Variants in NOC3L observed in about 807,000 individuals in gnomAD.
NOC3L encodes the protein NOC3 like DNA replication regulator, also known as nucleolar complex protein 3 homolog.
A neutral mutation model predicts 102.5 loss-of-function variants in NOC3L; 85 were observed. The observed-to-expected ratio is 0.83, with a 90% confidence interval of 0.70 to 0.99. NOC3L has a LOEUF of 0.99. Among genes scored for constraint, NOC3L ranks in the 50% least tolerant of loss-of-function variants. The probability of loss-of-function intolerance (pLI) is 0.00; values close to 1 mark genes in which losing one functional copy is unlikely to be tolerated. For missense variants in NOC3L, 878 were observed against 914.9 expected, an observed-to-expected ratio of 0.96 and a Z score of 0.52; for synonymous variants, 303 against 309.4, an observed-to-expected ratio of 0.98 and a Z score of 0.22.
chr10:94,358,090 A>G lies in NOC3L; in HGVS notation c.343T>C (p.Ser115Pro). 6.3e-7 allele frequency: 1 copy of G among 1,586,486 alleles called. No individual in the cohort carries two copies. The highest frequency in any genetic ancestry group is 8.7e-7 in the Non-Finnish European group (1 of 1,155,618). ...QRVSFLTRDLSSSEPVHAKKR... is the reference protein window; with the variant it reads ...QRVSFLTRDLPSSEPVHAKKR... Reference sequence around the variant, plus strand: ...ACCCAAATGAAGTATTACCTAGAAGAAAGATCTCTTGTTAGAAAAGATACT... The same window carrying G: ...ACCCAAATGAAGTATTACCTAGAAGGAAGATCTCTTGTTAGAAAAGATACT... Residue 115 changes from serine to proline, a missense_variant, in exon 3 of 21, where the codon TCT becomes CCT. By Grantham distance (74) the Ser-to-Pro change is moderately conservative. Transcript: ENST00000371361.
At chr10:94,344,551 AC>A in intron 12 of NOC3L, 36 bp from the exon 13 acceptor site, 4 of 1,436,992 alleles carry the variant, frequency 2.8e-6, no homozygotes, top group Non-Finnish European at 2.9e-6. Context: ...CTTTAGGATA[AC>A]CTGGTATGCT....
downstream of NOC3L, chr10:94,331,392 C>G (rs1288310210): frequency 6.6e-6 from 1 of 152,218 alleles, no homozygotes; most frequent in African/African-American, 2.4e-5. Flanking sequence ...TGCCCAGAGA[C>G]CCACAGGCCT....
At chr10:94,324,381 C>T in the NOC3L span, 1 of 1,614,144 alleles carries the variant, frequency 6.2e-7, no homozygotes, top group Non-Finnish European at 8.5e-7. Flanking sequence ...CCTACAGCAT[C>T]CTGAGCAACC....
chr10:94,352,076 C>A (rs1252869291), intron 8 of NOC3L, among the ~76,000 whole-genome samples: 1 of 152,146 alleles, frequency 6.6e-6, no homozygotes, highest in Non-Finnish European at 1.5e-5. Flanking sequence ...AAGGTAAGTA[C>A]TATAATTATT....
In NOC3L at chr10:94,338,598, C is replaced by G; in HGVS notation, c.2091+10G>C. On this transcript the variant is annotated intron_variant, in intron 18 of 20. Transcript: ENST00000371361. ...ATCCCCAAAAAGAAAAAAACCAGGGCCACTCTTACCCGCAGAGCATGCAGT... is the reference window on the plus strand; with the variant it reads ...ATCCCCAAAAAGAAAAAAACCAGGGGCACTCTTACCCGCAGAGCATGCAGT... The G allele has an allele frequency of 6.7e-7, 1 of 1,502,058 alleles. No individual in the cohort carries two copies. The highest frequency in any genetic ancestry group is 8.9e-7 in the Non-Finnish European group (1 of 1,119,198). 93.0% of individuals were successfully genotyped at this position (1,502,058 alleles called of 1,614,324 possible).
At chr10:94,327,499 T>G in the NOC3L span, among the ~76,000 whole-genome samples, 1 of 152,122 alleles carries the variant, frequency 6.6e-6, no homozygotes, top group Admixed American at 6.5e-5. Flanking sequence ...TGCTTGAACT[T>G]TGGAGGCAGC....
the NOC3L span, among the ~76,000 whole-genome samples, chr10:94,319,937 T>C: frequency 6.9e-6 from 1 of 144,792 alleles, no homozygotes; most frequent in African/African-American, 2.5e-5. Flanking sequence ...TGGCGCGATC[T>C]CAGCTCACTG....
intron 9 of NOC3L, 70 bp downstream of exon 9, chr10:94,350,043 C>T (rs555825482): frequency 1.0e-5 from 15 of 1,469,890 alleles, no homozygotes; most frequent in Admixed American, 1.7e-5. Context: ...CAGGTGTGAG[C>T]CACCGTGCCT....
intron 2 of NOC3L, 151 bp from the exon 3 acceptor site, chr10:94,358,366 G>A: frequency 1.5e-6 from 1 of 651,008 alleles, no homozygotes. Context: ...ATTACAGGGA[G>A]TGGGCCATGG....
intron 20 of NOC3L, 102 bp downstream of exon 20, chr10:94,334,529 TAAA>T: frequency 1.4e-6 from 1 of 699,200 alleles, no homozygotes; most frequent in Non-Finnish European, 2.3e-6. Context: ...TCCTAAACAT[TAAA>T]AAAAAAACTA....
chr10:94,359,893 G>C (rs956346791), intron 2 of NOC3L, among the ~76,000 whole-genome samples: 1 of 151,704 alleles, frequency 6.6e-6, no homozygotes, highest in Non-Finnish European at 1.5e-5. Context: ...CCCACCCACT[G>C]CCAGGCATGA....
At chr10:94,315,900 C>T in the NOC3L span, among the ~76,000 whole-genome samples, 1 of 148,658 alleles carries the variant, frequency 6.7e-6, no homozygotes, top group East Asian at 2.0e-4. Flanking sequence ...TTGTGTAGAT[C>T]GGAAAACAGT....
rs747589367 is a variant in NOC3L at position 94,358,116 on chromosome 10, CTT to C, written c.315_316del (p.Arg106SerfsTer11). 4.7e-5 allele frequency: 75 copies of C among 1,608,544 alleles called. No individual in the cohort carries two copies. The highest frequency in any genetic ancestry group is 6.3e-5 in the Non-Finnish European group (74 of 1,175,472). On this transcript the variant is annotated frameshift_variant, in exon 3 of 21. Transcript: ENST00000371361. LOFTEE classifies it high-confidence loss of function. ...AAGATCTCTTGTTAGAAAAGATACT[CTT>C]TGTCCTAAATCCTTCATTAACTGTA...
intron 6 of NOC3L, among the ~76,000 whole-genome samples, chr10:94,354,266 G>A (rs1007028301): frequency 6.6e-6 from 1 of 152,064 alleles, no homozygotes; most frequent in Non-Finnish European, 1.5e-5. Context: ...ATAGTATGCT[G>A]GGGACACCAG....
chr10:94,315,815 T>C, the NOC3L span, among the ~76,000 whole-genome samples: 1 of 151,920 alleles, frequency 6.6e-6, no homozygotes, highest in East Asian at 1.9e-4. Flanking sequence ...TCATCTTTAT[T>C]GAGTTCACCT....
the NOC3L span, chr10:94,316,800 G>GTGAT: frequency 7.0e-7 from 1 of 1,419,190 alleles, no homozygotes; most frequent in East Asian, 2.3e-5. Context: ...GACTCATTAT[G>GTGAT]TGATTAGCCA....
At chr10:94,352,851 T>G in intron 7 of NOC3L, 45 bp downstream of exon 7, 1 of 1,526,938 alleles carries the variant, frequency 6.5e-7, no homozygotes, top group Non-Finnish European at 9.0e-7. Flanking sequence ...CTCCAAAATG[T>G]TTAGTTATTT....
intron 2 of NOC3L, chr10:94,361,289 G>A (rs2134016475): frequency 1.1e-5 from 2 of 189,812 alleles, no homozygotes; most frequent in South Asian, 2.7e-4. Flanking sequence ...ATACTGTGAA[G>A]AATGAACCAG....
At chr10:94,324,270 C>G in the NOC3L span, 1 of 1,162,532 alleles carries the variant, frequency 8.6e-7, no homozygotes, top group Non-Finnish European at 1.3e-6. Flanking sequence ...CATTTTTCCA[C>G]CTTAAAGTTT....
Sources: gnomAD v4.1 joint callset for allele counts (sites outside exome capture counted in the v4.1 genomes callset) on GRCh38, gnomAD v4.1.1 for gene constraint, MANE v1.5 for transcripts, NCBI Gene and HGNC (gene_info 2026-07-23, HGNC 2026-07-21) for gene names.